The following SLC5A10 variants were observed in gnomAD, a reference collection of about 807,000 sequenced individuals.
The protein encoded by SLC5A10 is solute carrier family 5 member 10, also known as sodium/mannose cotransporter SLC5A10.
A neutral mutation model predicts 68.9 loss-of-function variants in SLC5A10; 55 were observed. The observed-to-expected ratio is 0.80, with a 90% CI of 0.64 to 1.00. The LOEUF is 1.00. Ranked by LOEUF, SLC5A10 falls within the 50% of genes least tolerant of loss-of-function variation. The pLI is 0.00. For synonymous variants in SLC5A10, 344 were observed against 344.8 expected, an observed-to-expected ratio of 1.00 and a Z score of 0.02; for missense variants, 732 against 819.3, an observed-to-expected ratio of 0.89 and a Z score of 1.30.
chr17:18,992,421 G>A (rs2043450735), intron 9 of SLC5A10, among the ~76,000 whole-genome samples: 1 of 152,244 alleles, frequency 6.6e-6, no homozygotes, highest in African/African-American at 2.4e-5. Flanking sequence ...CTTGAGCTGG[G>A]ATGCAGGGGT....
rs1246511024 is a variant in SLC5A10, at chr17:19,019,796, C to T, written c.1494C>T (p.Cys498=). The change falls in exon 13 of 15, where the codon TGC becomes TGT. Residue 498 remains cysteine, a synonymous_variant. Coordinates refer to ENST00000395645, the MANE Select transcript of SLC5A10 (RefSeq NM_001042450.4). ...AATTCCTGAACCCAGCCCCACCGTG[C>T]GGAGAGCCAGACACGCGGCCAGCCG... ...VLEFLNPAPP[C]GEPDTRPAVL... The T allele has an allele frequency of 6.8e-6, 11 of 1,613,080 alleles. No individual in the cohort carries two copies. Among genetic ancestry groups the T allele is most frequent in the East Asian group, 4.5e-5 (2 of 44,860 alleles).
chr17:19,003,584 G>T lies in SLC5A10; in HGVS notation c.983-9826G>T, dbSNP rs1175529467. 6.2e-7 allele frequency: 1 copy of T among 1,600,880 alleles called. No individual in the cohort carries two copies. The highest frequency in any genetic ancestry group is 1.1e-5 in the South Asian group (1 of 89,402). ...GATGTGGGCCTGCCCGTCTATGGGG[G>T]GCTGCATGTAGACGCTAGCCCGGGT... On this transcript the variant is annotated intron_variant, in intron 9 of 14. Transcript: ENST00000395645. This position sits in a 1 kb window ranked among gnomAD's most constrained non-coding sequence, Gnocchi z 4.5.
rs76467599 is a variant in SLC5A10, at chr17:19,001,794, G to A, written c.983-11616G>A. ...CCTGGGAGCCCCTATCTGGCCCATC[G>A]CTGGGCGGGGGATCTGTCTGTCTGC... On this transcript the variant is annotated intron_variant, in intron 9 of 14. Coordinates refer to ENST00000395645, the MANE Select transcript of SLC5A10 (RefSeq NM_001042450.4). Among the ~76,000 whole-genome samples the A allele has an allele frequency of 1.6e-4, 24 of 151,590 alleles. No homozygotes were observed. In the East Asian group the frequency reaches 4.4e-3, roughly 28 times the overall value.
chr17:19,014,321 C>A (rs1429922961), intron 10 of SLC5A10, among the ~76,000 whole-genome samples: 2 of 152,188 alleles, frequency 1.3e-5, no homozygotes, highest in Non-Finnish European at 2.9e-5. Flanking sequence ...GGGCTCCTCA[C>A]CCTCAGGCCC....
chr17:18,969,022 A>C, intron 5 of SLC5A10, 30 bp from the exon 6 acceptor site: 2 of 1,593,698 alleles, frequency 1.3e-6, no homozygotes, highest in Non-Finnish European at 1.7e-6. Flanking sequence ...TGGGAATAAC[A>C]GTCCCACACA....
chr17:18,972,803 A>G lies in SLC5A10; in HGVS notation c.846+1585A>G, dbSNP rs530309983. ...CGTGAGCCCAGGAGGTGGAGTTGAC[A>G]GTGAGCAGTGAGCCGAGATTGTGCC... On this transcript the variant is annotated intron_variant, in intron 8 of 14. Coordinates refer to ENST00000395645, the MANE Select transcript of SLC5A10 (RefSeq NM_001042450.4). Among the ~76,000 whole-genome samples the G allele has an allele frequency of 6.2e-3, 942 of 151,966 alleles. 11 individuals carry two copies. Among genetic ancestry groups the G allele is most frequent in the Non-Finnish European group, 0.01 (709 of 67,954 alleles).
At position 19,018,682 on chromosome 17, in the gene SLC5A10, C is replaced by G. The variant is rs900452495; in HGVS notation, c.1242-741C>G. 1 of 152,410 alleles carries G rather than the reference C, an allele frequency of 6.6e-6. No individual in the cohort carries two copies. Among genetic ancestry groups the G allele is most frequent in the African/African-American group, 2.4e-5 (1 of 41,458 alleles). 9.4% of individuals were successfully genotyped at this position (152,410 alleles called of 1,614,324 possible). A position where few individuals can be genotyped will look rare whatever the true frequency, so the allele number is the denominator to read the frequency against. On this transcript the variant is annotated intron_variant, in intron 11 of 14. Coordinates refer to ENST00000395645, the MANE Select transcript of SLC5A10 (RefSeq NM_001042450.4). This position sits in a 1 kb window ranked among gnomAD's most constrained non-coding sequence, Gnocchi z 4.2. ...CACGCAGGGGACAGGAGGGGACGGG[C>G]TCATGCTGGCCCAGCAGGGCTCCGG...
At position 19,015,197 on chromosome 17, in the gene SLC5A10, A is replaced by ACGGTATGGGGGTGGGGGC. The variant is rs2044112036; in HGVS notation, c.1241+3_1241+4insTGGGGGTGGGGGCCGGTA. The ACGGTATGGGGGTGGGGGC allele has an allele frequency of 1.7e-5, 15 of 908,324 alleles. No individual in the cohort carries two copies. Among genetic ancestry groups the ACGGTATGGGGGTGGGGGC allele is most frequent in the Admixed American group, 4.0e-5 (2 of 49,670 alleles). 56.3% of individuals were successfully genotyped at this position (908,324 alleles called of 1,614,324 possible). A position where few individuals can be genotyped will look rare whatever the true frequency, so the allele number is the denominator to read the frequency against. The stretch of plus-strand genomic sequence containing the variant: ...GCGAGCGGGAGCTCCTGCTGGTGGG[A>ACGGTATGGGGGTGGGGGC]CGGTACGGGGGTGGGGGCCAGTACG... On this transcript the variant is annotated inframe_insertion and splice_region_variant, in exon 11 of 15. Transcript: ENST00000395645.
intron 9 of SLC5A10, chr17:18,978,391 G>T: frequency 6.3e-7 from 1 of 1,591,024 alleles, no homozygotes. Flanking sequence ...TGTAGCCCAG[G>T]ATGTCGCTGC....
chr17:18,952,366 C>CTT (rs1171884818), intron 1 of SLC5A10, 50 bp downstream of exon 1: 1 of 1,573,926 alleles, frequency 6.4e-7, no homozygotes, highest in African/African-American at 1.4e-5. Flanking sequence ...AGGGTTGGTG[C>CTT]TTGGGGTGGG....
rs1001192834 is a variant in SLC5A10, at chr17:19,021,044, C to T, written c.*613C>T. ...CATATCCCTGATCATGGCACATTCT[C>T]TGGAGGACCCTCCTGTTCTCGGGTA... On this transcript the variant is annotated 3_prime_UTR_variant, in exon 15 of 15. Transcript: ENST00000395645. This position sits in a 1 kb window ranked among gnomAD's most constrained non-coding sequence, Gnocchi z 4.1. 11 of 152,802 alleles carry T rather than the reference C, an allele frequency of 7.2e-5. No homozygotes were observed. The highest frequency in any genetic ancestry group is 2.7e-4 in the African/African-American group (11 of 41,470). 9.5% of individuals were successfully genotyped at this position (152,802 alleles called of 1,614,324 possible).
intron 5 of SLC5A10, among the ~76,000 whole-genome samples, chr17:18,967,570 A>C (rs1398181903): frequency 6.6e-6 from 1 of 152,250 alleles, no homozygotes; most frequent in Non-Finnish European, 1.5e-5. Context: ...CCGGGCACAC[A>C]GACCCAGGTT....
intron 9 of SLC5A10, chr17:18,977,437 C>T (rs1450721755): frequency 2.5e-6 from 2 of 811,890 alleles, no homozygotes; most frequent in Non-Finnish European, 3.8e-6. Flanking sequence ...CCCACCCCTG[C>T]CTGTTCATCA....
rs1202765700 is a variant in SLC5A10 at position 19,020,500 on chromosome 17, C to T, written c.*69C>T. ...GTCCACCCATTTCCCTCATGGGGATCCCGAGGCCCCAAGAGGGGCAGATTC... is the reference window on the plus strand; with the variant it reads ...GTCCACCCATTTCCCTCATGGGGATTCCGAGGCCCCAAGAGGGGCAGATTC... On this transcript the variant is annotated 3_prime_UTR_variant, in exon 15 of 15. Coordinates refer to ENST00000395645, the MANE Select transcript of SLC5A10 (RefSeq NM_001042450.4). The T allele has an allele frequency of 1.2e-5, 18 of 1,468,214 alleles. No homozygotes were observed. The highest frequency in any genetic ancestry group is 1.4e-5 in the Non-Finnish European group (15 of 1,060,078). The allele number at this position is 1,468,214 out of a possible 1,614,324, so 90.9% of individuals were successfully genotyped here. A position where few individuals can be genotyped will look rare whatever the true frequency, so the allele number is the denominator to read the frequency against.
Position 18,971,052 on chromosome 17 carries a change from C to A in SLC5A10, c.680C>A (p.Ala227Asp). ...GGTGGTTACGGGCAGCTGGAGGCAG[C>A]CTACGCCCAGGCCATTCCCTCCAGG... is the stretch of plus-strand genomic sequence containing the variant. ...QIGGYGQLEA[A>D]YAQAIPSRTI... The change falls in exon 8 of 15, where the codon GCC becomes GAC. Residue 227 changes from alanine (A) to aspartate (D), a missense_variant. Coordinates refer to ENST00000395645, the MANE Select transcript of SLC5A10 (RefSeq NM_001042450.4). This position sits in a 1 kb window ranked among gnomAD's most constrained non-coding sequence, Gnocchi z 5.5. 6.2e-7 allele frequency: 1 copy of A among 1,613,976 alleles called. No homozygotes were observed. Among genetic ancestry groups the A allele is most frequent in the Non-Finnish European group, 8.5e-7 (1 of 1,180,032 alleles).
intron 1 of SLC5A10, chr17:18,952,636 G>A (rs2042392758): frequency 4.4e-6 from 1 of 228,082 alleles, no homozygotes; most frequent in Non-Finnish European, 8.6e-6. Flanking sequence ...AGTCTCCATG[G>A]TGTCAGTGAC....
chr17:18,969,144 GTACAC>G lies in SLC5A10; in HGVS notation c.547_551del (p.Tyr183HisfsTer32). ...TCCTCACGCTCGGCATCACAGCCCT[GTACAC>G]CATCGCAGGTATGGTGCCTGCAGCA... On this transcript the variant is annotated frameshift_variant, in exon 6 of 15. Coordinates refer to ENST00000395645, the MANE Select transcript of SLC5A10 (RefSeq NM_001042450.4). LOFTEE classifies it high-confidence loss of function. 6.2e-7 allele frequency: 1 copy of G among 1,613,948 alleles called. No individual in the cohort carries two copies. The highest frequency in any genetic ancestry group is 8.5e-7 in the Non-Finnish European group (1 of 1,179,910).
intron 9 of SLC5A10, chr17:18,979,655 T>G: frequency 1.2e-6 from 2 of 1,613,440 alleles, no homozygotes; most frequent in African/African-American, 1.3e-5. Flanking sequence ...GTTCCCCCGC[T>G]GCTCCGCACT....
intron 11 of SLC5A10, among the ~76,000 whole-genome samples, chr17:19,016,965 C>T (rs2044152997): frequency 6.6e-6 from 1 of 152,150 alleles, no homozygotes. Flanking sequence ...ATGTCCCCTG[C>T]CCACTACTTC....
Sources: allele counts gnomAD v4.1 joint callset (sites outside exome capture counted in the v4.1 genomes callset), GRCh38; gene constraint gnomAD v4.1.1; non-coding constraint Gnocchi (gnomAD v3.1); transcripts MANE v1.5; gene names NCBI Gene and HGNC (gene_info 2026-07-23, HGNC 2026-07-21).